AOAH: variants seen among roughly 807,000 people sequenced by gnomAD.
AOAH encodes the protein acyloxyacyl hydrolase.
Under a neutral mutation model 92.2 loss-of-function variants are expected in AOAH, and 64 were observed. The observed-to-expected ratio is 0.69, with a 90% CI of 0.57 to 0.86. The LOEUF (loss-of-function observed/expected upper bound fraction) is 0.86, where lower values mean the gene tolerates loss of function less well. Ranked by LOEUF, AOAH falls within the 40% of genes least tolerant of loss-of-function variation. The pLI is 0.00. For synonymous variants in AOAH, 263 were observed against 254.5 expected (o/e 1.03, Z -0.32); for missense variants, 656 against 694.6 (o/e 0.94, Z 0.62).
chr7:36,546,398 GTCTT>G (rs1163776457), intron 15 of AOAH, among the ~76,000 whole-genome samples: 1 of 152,212 alleles, frequency 6.6e-6, no homozygotes, highest in Non-Finnish European at 1.5e-5. Flanking sequence ...GTTGCCATCT[GTCTT>G]TATTTTTTTA....
At chr7:36,606,683 C>A (rs1013908375) in intron 11 of AOAH, among the ~76,000 whole-genome samples, 1 of 152,100 alleles carries the variant, frequency 6.6e-6, no homozygotes, top group Non-Finnish European at 1.5e-5. Flanking sequence ...CCCTTGCTGG[C>A]CTCAATGATC....
chr7:36,527,813 ATGGGG>A (rs1181290817), intron 19 of AOAH, among the ~76,000 whole-genome samples: 1 of 152,178 alleles, frequency 6.6e-6, no homozygotes, highest in Non-Finnish European at 1.5e-5. Context: ...TCGTACCCAC[ATGGGG>A]TGGGTTTCTG....
chr7:36,703,789 T>C (rs1383159714), intron 1 of AOAH, among the ~76,000 whole-genome samples: 1 of 152,220 alleles, frequency 6.6e-6, no homozygotes, highest in Non-Finnish European at 1.5e-5. Flanking sequence ...TGTATCTTTA[T>C]AGTAGAATGA....
chr7:36,564,203 G>A (rs925404309), intron 13 of AOAH, among the ~76,000 whole-genome samples: 4 of 151,880 alleles, frequency 2.6e-5, no homozygotes, highest in African/African-American at 9.7e-5. Context: ...ATTTCTTCAG[G>A]GCTCTCAGCT....
intron 3 of AOAH, among the ~76,000 whole-genome samples, chr7:36,670,619 C>T (rs1372222167): frequency 3.9e-5 from 6 of 152,178 alleles, no homozygotes; most frequent in Non-Finnish European, 7.4e-5. Context: ...GGACTACAGG[C>T]GCGCGCCACC....
At position 36,690,259 on chromosome 7, in the gene AOAH, G is replaced by T. The variant is rs58087691; in HGVS notation, c.128-3465C>A. ...CTCTGAACACTGGGTGAGTCTTACCGCTATCGTCACTTTGCCCAGTGAAGA... is the reference window on the plus strand; with the variant it reads ...CTCTGAACACTGGGTGAGTCTTACCTCTATCGTCACTTTGCCCAGTGAAGA... On this transcript the variant is annotated intron_variant, in intron 1 of 20. Coordinates refer to ENST00000617537, the MANE Select transcript of AOAH (RefSeq NM_001637.4). 1,592 of 432,940 alleles carry T rather than the reference G, an allele frequency of 3.7e-3. 22 individuals are homozygous for T. Among genetic ancestry groups the T allele is most frequent in the African/African-American group, 0.03 (1,456 of 48,778 alleles). The allele number at this position is 432,940 out of a possible 1,614,324, so 26.8% of individuals were successfully genotyped here.
At chr7:36,532,093 A>C in intron 18 of AOAH, 54 bp downstream of exon 18, 1 of 1,600,332 alleles carries the variant, frequency 6.2e-7, no homozygotes, top group Non-Finnish European at 8.6e-7. Context: ...CTCTGCAGCA[A>C]ACACAGGGAA....
chr7:36,595,863 C>T (rs1052792284), intron 11 of AOAH, among the ~76,000 whole-genome samples: 4 of 152,152 alleles, frequency 2.6e-5, no homozygotes, highest in African/African-American at 9.7e-5. Context: ...ATGTGAAAAC[C>T]TTGAGTCCTC....
At chr7:36,670,900 G>T (rs1354302167) in intron 3 of AOAH, among the ~76,000 whole-genome samples, 1 of 151,982 alleles carries the variant, frequency 6.6e-6, no homozygotes, top group African/African-American at 2.4e-5. Flanking sequence ...TGCTTCACTG[G>T]TTCTCACACT....
intron 16 of AOAH, among the ~76,000 whole-genome samples, chr7:36,535,254 G>C (rs1362442552): frequency 6.6e-6 from 1 of 152,094 alleles, no homozygotes; most frequent in African/African-American, 2.4e-5. Context: ...GAAGATCAAA[G>C]GTGTGTTCTT....
intron 13 of AOAH, among the ~76,000 whole-genome samples, chr7:36,560,812 C>T (rs1787205300): frequency 6.6e-6 from 1 of 152,196 alleles, no homozygotes; most frequent in African/African-American, 2.4e-5. Flanking sequence ...TCTTGCTTTA[C>T]TTCTCAAGGG....
intron 11 of AOAH, 195 bp from the exon 12 acceptor site, chr7:36,594,625 C>T (rs1485424916): frequency 3.1e-6 from 2 of 650,738 alleles, no homozygotes; most frequent in Non-Finnish European, 5.6e-6. Flanking sequence ...TGATCAGCAC[C>T]ACCCTTGACC....
intron 1 of AOAH, among the ~76,000 whole-genome samples, chr7:36,723,753 C>T (rs1488426228): frequency 6.6e-6 from 1 of 152,102 alleles, no homozygotes; most frequent in African/African-American, 2.4e-5. Context: ...TAATAGTTAC[C>T]TATACAAGAA....
At chr7:36,635,485 C>T (rs772754356) in intron 5 of AOAH, among the ~76,000 whole-genome samples, 40 of 150,988 alleles carry the variant, frequency 2.6e-4, no homozygotes, top group Non-Finnish European at 5.4e-4. Flanking sequence ...CAACCCTTGT[C>T]GTGTATTATA....
chr7:36,703,817 A>G (rs1368394432), intron 1 of AOAH, among the ~76,000 whole-genome samples: 1 of 152,184 alleles, frequency 6.6e-6, no homozygotes, highest in Non-Finnish European at 1.5e-5. Flanking sequence ...TCTTTTGGGT[A>G]TATACCCACT....
chr7:36,611,262 T>C (rs1202544073), intron 11 of AOAH, among the ~76,000 whole-genome samples: 2 of 152,178 alleles, frequency 1.3e-5, no homozygotes, highest in African/African-American at 2.4e-5. Context: ...TGTAGTGTTG[T>C]TCCTCCTACC....
intron 6 of AOAH, among the ~76,000 whole-genome samples, chr7:36,629,328 T>C (rs1315310770): frequency 1.3e-5 from 2 of 152,082 alleles, no homozygotes; most frequent in Non-Finnish European, 2.9e-5. Context: ...TCAAAGGTGG[T>C]TCAATTGAAG....
intron 8 of AOAH, 67 bp from the exon 9 acceptor site, chr7:36,620,896 CATGAATGAATGAATGA>C: frequency 1.5e-6 from 2 of 1,331,258 alleles, no homozygotes; most frequent in Admixed American, 3.6e-5. Flanking sequence ...CAGTTTCATG[CATGAATGAATGAATGA>C]ATGAATGAAT....
chr7:36,528,117 C>G (rs1160453046), intron 19 of AOAH, among the ~76,000 whole-genome samples: 1 of 152,094 alleles, frequency 6.6e-6, no homozygotes, highest in African/African-American at 2.4e-5. Flanking sequence ...CATGCCTTCC[C>G]TAGTGGGGTG....
Sources: gnomAD v4.1 joint callset for allele counts (sites outside exome capture counted in the v4.1 genomes callset) on GRCh38, gnomAD v4.1.1 for gene constraint, MANE v1.5 for transcripts, NCBI Gene and HGNC (gene_info 2026-07-23, HGNC 2026-07-21) for gene names.